The following RRP1B variants were observed in gnomAD, a reference collection of about 807,000 sequenced individuals.
RRP1B encodes the protein ribosomal RNA processing protein 1 homolog B.
In RRP1B, 56 loss-of-function variants were observed where a neutral mutation model predicts 80.2. That is an observed-to-expected ratio of 0.70 (90% CI 0.56 to 0.87). RRP1B has a LOEUF of 0.87. Ranked by LOEUF, RRP1B falls within the 40% of genes least tolerant of loss-of-function variation. The pLI, the probability that RRP1B is intolerant of heterozygous loss-of-function variation, is 0.00. For synonymous variants in RRP1B, 351 were observed against 357.6 expected (o/e 0.98, Z 0.21); for missense variants, 807 against 939.8 (o/e 0.86, Z 1.85).
intron 2 of RRP1B, among the ~76,000 whole-genome samples, chr21:43,672,074 A>C (rs1173599307): frequency 6.6e-6 from 1 of 152,266 alleles, no homozygotes; most frequent in African/African-American, 2.4e-5. Context: ...TTTTTTAAAC[A>C]TGTAGCTTAA....
At chr21:43,674,785 A>G (rs575452454) in intron 5 of RRP1B, 88 bp downstream of exon 5, 20 of 1,224,678 alleles carry the variant, frequency 1.6e-5, no homozygotes, top group African/African-American at 6.1e-5. Flanking sequence ...TAGAGTACCA[A>G]TGAGAAGCTC....
chr21:43,665,014 C>G (rs572204777), intron 1 of RRP1B, among the ~76,000 whole-genome samples: 1 of 152,326 alleles, frequency 6.6e-6, no homozygotes, highest in Admixed American at 6.5e-5. Context: ...ATATTACTCA[C>G]CCAGCCCACT....
At chr21:43,661,785 A>T (rs1260607882) in intron 1 of RRP1B, among the ~76,000 whole-genome samples, 1 of 152,130 alleles carries the variant, frequency 6.6e-6, no homozygotes. Context: ...TAACTGCTTC[A>T]TGTTCCGTCA....
rs1275566455 is a variant in RRP1B, at chr21:43,683,988, AAAG to A, written c.892-564_892-562del. 2.8e-4 allele frequency among the ~76,000 whole-genome samples: 43 copies of A among 150,970 alleles called. No individual in the cohort carries two copies. In the East Asian group the frequency reaches 8.2e-3, roughly 29 times the overall value. ...ACTCTGGCTCAAAAAAAAAAAAAAA[AAAG>A]CACACCCAGGTAAATTTTGTTGTGG... On this transcript the variant is annotated intron_variant, in intron 9 of 15. Coordinates refer to ENST00000340648, the MANE Select transcript of RRP1B (RefSeq NM_015056.3).
intron 8 of RRP1B, among the ~76,000 whole-genome samples, chr21:43,682,324 A>G (rs938252023): frequency 5.9e-5 from 9 of 152,046 alleles, no homozygotes; most frequent in African/African-American, 1.9e-4. Flanking sequence ...CGCCTGCCCC[A>G]TCCTCCCCAG....
intron 1 of RRP1B, among the ~76,000 whole-genome samples, chr21:43,664,876 T>C (rs888066345): frequency 5.3e-5 from 8 of 152,164 alleles, no homozygotes; most frequent in African/African-American, 1.9e-4. Flanking sequence ...ATGAGACTTA[T>C]TCAGTCTCAC....
Position 43,676,194 on chromosome 21 carries a change from T to G in RRP1B, c.550-78T>G, listed in dbSNP as rs1404234930. ...GGTCTAACTCCACCTTTGTAAAAGA[T>G]GGGAATGGTCCCTTTTTCAAGGACA... is the stretch of plus-strand genomic sequence containing the variant. On this transcript the variant is annotated intron_variant, in intron 6 of 15. Transcript: ENST00000340648. 3.8e-6 allele frequency: 4 copies of G among 1,052,914 alleles called. No individual in the cohort carries two copies. The Admixed American group carries it at 7.7e-5, about 20-fold the overall frequency. 65.2% of individuals were successfully genotyped at this position (1,052,914 alleles called of 1,614,324 possible). A position where few individuals can be genotyped will look rare whatever the true frequency, so the allele number is the denominator to read the frequency against.
In RRP1B at chr21:43,659,829, G is replaced by A; in HGVS notation, c.130+35G>A. ...CGGCCGCGGTCAGCCGCGCCACATG[G>A]CGGGCCGGGGGCCGGGGCTGGGGCT... On this transcript the variant is annotated intron_variant, in intron 1 of 15. Coordinates refer to ENST00000340648, the MANE Select transcript of RRP1B (RefSeq NM_015056.3). The surrounding 1 kb of genome is among the most constrained non-coding windows in gnomAD (Gnocchi z 4.2). 2 of 1,485,882 alleles carry A rather than the reference G, an allele frequency of 1.3e-6. No homozygotes were observed. Among genetic ancestry groups the A allele is most frequent in the South Asian group, 2.6e-5 (2 of 77,894 alleles). 92.0% of individuals were successfully genotyped at this position (1,485,882 alleles called of 1,614,324 possible).
At position 43,691,402 on chromosome 21, in the gene RRP1B, C is replaced by T. The variant is rs376217404; in HGVS notation, c.2020-37C>T. 63 of 1,604,790 alleles carry T rather than the reference C, an allele frequency of 3.9e-5. No individual in the cohort carries two copies. In the African/African-American group the frequency reaches 6.2e-4, roughly 16 times the overall value. ...TGACTAAGCGCCTCCACTGCACTTGCGTCACTCCTTTTGTTCCTGTTATTT... is the reference window on the plus strand; with the variant it reads ...TGACTAAGCGCCTCCACTGCACTTGTGTCACTCCTTTTGTTCCTGTTATTT... On this transcript the variant is annotated intron_variant, in intron 14 of 15. Transcript: ENST00000340648. The surrounding 1 kb of genome is among the most constrained non-coding windows in gnomAD (Gnocchi z 4.2).
At chr21:43,684,462 G>T (rs2083055808) in intron 9 of RRP1B, 91 bp from the exon 10 acceptor site, 2 of 1,111,110 alleles carry the variant, frequency 1.8e-6, no homozygotes, top group South Asian at 2.6e-5. Context: ...AAATGCTTCA[G>T]TAAGGGTTTC....
At chr21:43,672,741 A>G (rs1037970232) in intron 3 of RRP1B, among the ~76,000 whole-genome samples, 3 of 152,302 alleles carry the variant, frequency 2.0e-5, no homozygotes, top group Admixed American at 1.3e-4. Flanking sequence ...GTCACAGACT[A>G]TGAAGTAACT....
chr21:43,687,020 T>C, intron 12 of RRP1B, 85 bp downstream of exon 12: 1 of 1,447,262 alleles, frequency 6.9e-7, no homozygotes, highest in African/African-American at 1.4e-5. Flanking sequence ...CTTGAGCTCG[T>C]GCCGTCATAA....
intron 6 of RRP1B, 73 bp from the exon 7 acceptor site, chr21:43,676,199 A>G (rs761920698): frequency 1.2e-4 from 127 of 1,069,944 alleles, no homozygotes; most frequent in Non-Finnish European, 1.6e-4. Flanking sequence ...AAAGATGGGA[A>G]TGGTCCCTTT....
At chr21:43,678,410 C>T (rs1241646400) in intron 8 of RRP1B, among the ~76,000 whole-genome samples, 1 of 152,140 alleles carries the variant, frequency 6.6e-6, no homozygotes, top group African/African-American at 2.4e-5. Context: ...TCACCCACCT[C>T]GGCCTCCCAA....
intron 2 of RRP1B, 32 bp downstream of exon 2, chr21:43,669,998 G>C: frequency 6.7e-7 from 1 of 1,500,608 alleles, no homozygotes; most frequent in Non-Finnish European, 9.2e-7. Context: ...ATGCTCCCGG[G>C]TTCTTGCTGT....
In RRP1B at chr21:43,691,369, G is replaced by A; in HGVS notation, c.2020-70G>A. 6.7e-7 allele frequency: 1 copy of A among 1,493,118 alleles called. No individual in the cohort carries two copies. The allele number at this position is 1,493,118 out of a possible 1,614,324, so 92.5% of individuals were successfully genotyped here. A position where few individuals can be genotyped will look rare whatever the true frequency, so the allele number is the denominator to read the frequency against. On this transcript the variant is annotated intron_variant, in intron 14 of 15. Coordinates refer to ENST00000340648, the MANE Select transcript of RRP1B (RefSeq NM_015056.3). This position sits in a 1 kb window ranked among gnomAD's most constrained non-coding sequence, Gnocchi z 4.2. ...CATACCCTCCAGGGCAGGTTCTCCA[G>A]AAAAATCTGACTAAGCGCCTCCACT...
At chr21:43,674,071 G>A (rs1310358856) in intron 4 of RRP1B, 116 bp downstream of exon 4, 1 of 740,924 alleles carries the variant, frequency 1.3e-6, no homozygotes, top group African/African-American at 1.8e-5. Flanking sequence ...TTAGTGTGAA[G>A]GAAGAATTTG....
intron 3 of RRP1B, 32 bp downstream of exon 3, chr21:43,672,397 A>G (rs2083003436): frequency 1.3e-6 from 2 of 1,585,426 alleles, no homozygotes; most frequent in Non-Finnish European, 8.7e-7. Flanking sequence ...CCTTCCTTCC[A>G]AGTTTTCCGA....
In RRP1B at chr21:43,687,802, G is replaced by A; in HGVS notation, c.1428G>A (p.Arg476=). 1 of 1,613,308 alleles carries A rather than the reference G, an allele frequency of 6.2e-7. No homozygotes were observed. Among genetic ancestry groups the A allele is most frequent in the South Asian group, 1.1e-5 (1 of 91,092 alleles). Residue 476 remains arginine, a synonymous_variant, in exon 13 of 16, where the codon CGG becomes CGA. Coordinates refer to ENST00000340648, the MANE Select transcript of RRP1B (RefSeq NM_015056.3). ...VPMHNKRKRP[R]KKSPRAHREM... ...TGCACAATAAAAGGAAACGGCCACG[G>A]AAGAAGAGCCCGAGGGCCCACAGGG...
Sources: gnomAD v4.1 joint callset for allele counts (sites outside exome capture counted in the v4.1 genomes callset) on GRCh38, gnomAD v4.1.1 for gene constraint, Gnocchi (gnomAD v3.1) non-coding constraint, MANE v1.5 for transcripts, NCBI Gene and HGNC (gene_info 2026-07-23, HGNC 2026-07-21) for gene names.